The following SNAP29 variants were observed in gnomAD, a reference collection of about 807,000 sequenced individuals.
SNAP29 encodes the protein synaptosomal-associated protein 29.
In SNAP29, 13 loss-of-function variants were observed where a neutral mutation model predicts 27.9. The observed-to-expected ratio is 0.47, with a 90% confidence interval of 0.30 to 0.74. The LOEUF (loss-of-function observed/expected upper bound fraction) is 0.74. Ranked by LOEUF, SNAP29 falls within the 30% of genes least tolerant of loss-of-function variation. The probability of loss-of-function intolerance (pLI) is 0.06; values close to 1 mark genes in which losing one functional copy is unlikely to be tolerated. For missense variants in SNAP29, 368 were observed against 336.5 expected (o/e 1.09, Z -0.73); for synonymous variants, 119 against 127.1 (o/e 0.94, Z 0.43).
chr22:20,885,694 C>T (rs1928997355), intron 4 of SNAP29, among the ~76,000 whole-genome samples: 1 of 152,212 alleles, frequency 6.6e-6, no homozygotes. Flanking sequence ...GCACAGTTGG[C>T]ACTGTGGACG....
At chr22:20,866,516 T>C (rs904402503) in intron 1 of SNAP29, among the ~76,000 whole-genome samples, 13 of 152,156 alleles carry the variant, frequency 8.5e-5, no homozygotes, top group African/African-American at 3.1e-4. Context: ...TTGATGCCCT[T>C]CCGTCAGGAA....
intron 1 of SNAP29, among the ~76,000 whole-genome samples, chr22:20,866,043 G>A (rs165623): frequency 0.8 from 122,443 of 152,226 alleles, 49,777 homozygotes; most frequent in African/African-American, 0.91. Flanking sequence ...AGGCTCACTT[G>A]AGCAAGGACA....
intron 4 of SNAP29, among the ~76,000 whole-genome samples, chr22:20,884,620 G>C (rs1251934806): frequency 6.6e-6 from 1 of 152,106 alleles, no homozygotes; most frequent in Non-Finnish European, 1.5e-5. Context: ...TGTTTCCAGG[G>C]GGCTGCCCTG....
Position 20,859,035 on chromosome 22 carries a change from G to T in SNAP29, c.-76G>T, listed in dbSNP as rs376809644. The T allele has an allele frequency of 1.4e-6, 2 of 1,397,656 alleles. No individual in the cohort carries two copies. The highest frequency in any genetic ancestry group is 2.0e-6 in the Non-Finnish European group (2 of 1,018,680). 86.6% of individuals were successfully genotyped at this position (1,397,656 alleles called of 1,614,324 possible). On this transcript the variant is annotated 5_prime_UTR_variant, in exon 1 of 5. Transcript: ENST00000215730. ...CGCGCGACGACCGCGGGGTCGGCGG[G>T]CGGGGCGAGGCCCTGGACGGCGGCG... is the stretch of plus-strand genomic sequence containing the variant.
At chr22:20,869,741 T>G (rs562785035) in intron 1 of SNAP29, among the ~76,000 whole-genome samples, 2 of 152,096 alleles carry the variant, frequency 1.3e-5, no homozygotes, top group African/African-American at 2.4e-5. Context: ...GGCCATAGAC[T>G]CTGAACCTCA....
chr22:20,868,686 A>G (rs1460711103), intron 1 of SNAP29, among the ~76,000 whole-genome samples: 3 of 152,220 alleles, frequency 2.0e-5, no homozygotes, highest in Non-Finnish European at 4.4e-5. Flanking sequence ...AGAGGAAGGC[A>G]GCTGAGGGCA....
At chr22:20,863,804 C>T (rs1285364928) in intron 1 of SNAP29, among the ~76,000 whole-genome samples, 1 of 152,112 alleles carries the variant, frequency 6.6e-6, no homozygotes, top group Non-Finnish European at 1.5e-5. Flanking sequence ...CAGCCAGGCA[C>T]TTTCCCTCCT....
intron 1 of SNAP29, among the ~76,000 whole-genome samples, chr22:20,865,825 A>C (rs1928445370): frequency 6.6e-6 from 1 of 152,226 alleles, no homozygotes; most frequent in African/African-American, 2.4e-5. Flanking sequence ...ACACTTCTCC[A>C]AGCAGTGCGT....
rs1929123853 is a variant in SNAP29, at chr22:20,890,523, C to T, written c.*2687C>T. On this transcript the variant is annotated 3_prime_UTR_variant, in exon 5 of 5. Coordinates refer to ENST00000215730, the MANE Select transcript of SNAP29 (RefSeq NM_004782.4). ...CTGTAATCCCAGTGCTTTGGGAGGC[C>T]AAGGCGGGGGGATCACGAGGTCAGG... is the stretch of plus-strand genomic sequence containing the variant. The T allele has an allele frequency of 1.6e-5, 6 of 385,096 alleles. No individual in the cohort carries two copies. Among genetic ancestry groups the T allele is most frequent in the African/African-American group, 1.0e-4 (5 of 48,236 alleles). 23.9% of individuals were successfully genotyped at this position (385,096 alleles called of 1,614,324 possible).
At position 20,887,898 on chromosome 22, in the gene SNAP29, C is replaced by T. The variant is rs1929058581; in HGVS notation, c.*62C>T. 1 of 1,472,134 alleles carries T rather than the reference C, an allele frequency of 6.8e-7. No homozygotes were observed. The highest frequency in any genetic ancestry group is 1.8e-4 in the Middle Eastern group (1 of 5,642). The allele number at this position is 1,472,134 out of a possible 1,614,324, so 91.2% of individuals were successfully genotyped here. ...TTTGAAAGATCTTTTTTTGAACTTC[C>T]AAGAAATTTCATTTACTATTTTAGT... On this transcript the variant is annotated 3_prime_UTR_variant, in exon 5 of 5. Transcript: ENST00000215730.
intron 2 of SNAP29, among the ~76,000 whole-genome samples, chr22:20,880,609 G>A (rs746938170): frequency 1.1e-4 from 17 of 152,160 alleles, no homozygotes; most frequent in Non-Finnish European, 1.9e-4. Context: ...TACCGGTTTG[G>A]TTGTTCCATG....
rs763782368 is a variant in SNAP29, at chr22:20,883,577, T to G, written c.619+8T>G. The G allele has an allele frequency of 3.2e-6, 5 of 1,574,906 alleles. No homozygotes were observed. Among genetic ancestry groups the G allele is most frequent in the Non-Finnish European group, 4.4e-6 (5 of 1,144,580 alleles). The stretch of plus-strand genomic sequence containing the variant: ...AGATCGACAGCAACCTAGGTAAGAC[T>G]GAGCACCACACCAGCTTCTGTAAGC... On this transcript the variant is annotated splice_region_variant and intron_variant, in intron 4 of 4. Transcript: ENST00000215730.
chr22:20,880,692 C>CT (rs1012263511), intron 2 of SNAP29, among the ~76,000 whole-genome samples: 14 of 151,366 alleles, frequency 9.2e-5, no homozygotes, highest in East Asian at 1.9e-4. Context: ...TGCTACACTG[C>CT]TTTTTTTTTC....
chr22:20,874,200 A>G (rs1160471462), intron 2 of SNAP29, among the ~76,000 whole-genome samples: 2 of 146,158 alleles, frequency 1.4e-5, no homozygotes, highest in Non-Finnish European at 3.1e-5. Flanking sequence ...GCGTGAACCC[A>G]GGAGGCGGAG....
intron 3 of SNAP29, among the ~76,000 whole-genome samples, chr22:20,881,834 C>T (rs778423651): frequency 1.3e-5 from 2 of 152,174 alleles, no homozygotes; most frequent in Non-Finnish European, 2.9e-5. Context: ...AAGCTGTCCA[C>T]GTCCTAATCC....
rs763852213 is a variant in SNAP29, at chr22:20,859,229, A to C, written c.119A>C (p.Asp40Ala). 2 of 1,606,210 alleles carry C rather than the reference A, an allele frequency of 1.2e-6. No homozygotes were observed. Among genetic ancestry groups the C allele is most frequent in the Admixed American group, 1.7e-5 (1 of 58,472 alleles). The part of the protein sequence containing the change: ...DLPDGPDAPA[D>A]RQQYLRQEVL... ...CCCGACGGGCCCGACGCGCCCGCGGACAGGCAGCAGTACTTGCGGCAGGAG... is the reference window on the plus strand; with the variant it reads ...CCCGACGGGCCCGACGCGCCCGCGGCCAGGCAGCAGTACTTGCGGCAGGAG... Residue 40 changes from aspartate (D) to alanine (A), a missense_variant, in exon 1 of 5, where the codon GAC (aspartate) becomes GCC (alanine). Coordinates refer to ENST00000215730, the MANE Select transcript of SNAP29 (RefSeq NM_004782.4).
chr22:20,874,574 C>CAAAA (rs758177794), intron 2 of SNAP29, among the ~76,000 whole-genome samples: 9 of 98,380 alleles, frequency 9.1e-5, no homozygotes, highest in Non-Finnish European at 1.5e-4. Flanking sequence ...GACCCTATCT[C>CAAAA]AAAAAAAAAA....
intron 1 of SNAP29, among the ~76,000 whole-genome samples, chr22:20,865,974 C>T (rs535897431): frequency 1.2e-4 from 19 of 152,278 alleles, no homozygotes; most frequent in African/African-American, 4.1e-4. Flanking sequence ...AACGTGTAGC[C>T]CAAGGCCACC....
chr22:20,865,996 C>T (rs1350077687), intron 1 of SNAP29, among the ~76,000 whole-genome samples: 1 of 152,206 alleles, frequency 6.6e-6, no homozygotes, highest in East Asian at 1.9e-4. Context: ...TCATATATCA[C>T]ATTGTTAGCA....
Sources: gnomAD v4.1 joint callset for allele counts (sites outside exome capture counted in the v4.1 genomes callset) on GRCh38, gnomAD v4.1.1 for gene constraint, MANE v1.5 for transcripts, NCBI Gene and HGNC (gene_info 2026-07-23, HGNC 2026-07-21) for gene names.